The following CAMK1D variants were observed in gnomAD, a reference collection of about 807,000 sequenced individuals.
The protein encoded by CAMK1D is calcium/calmodulin-dependent protein kinase type 1D.
A neutral mutation model predicts 47.7 loss-of-function variants in CAMK1D; 9 were observed. The ratio of observed to expected loss-of-function variants is 0.19; its 90% CI spans 0.11 to 0.33. The LOEUF is 0.33. Among genes scored for constraint, CAMK1D ranks in the 10% least tolerant of loss-of-function variants. CAMK1D has a pLI of 1.00. For synonymous variants in CAMK1D, 184 were observed against 184.9 expected (o/e 0.99, Z 0.04); for missense variants, 291 against 488.7 (o/e 0.60, Z 3.81).
At chr10:12,365,790 C>T (rs937073631) in intron 1 of CAMK1D, among the ~76,000 whole-genome samples, 1 of 152,176 alleles carries the variant, frequency 6.6e-6, no homozygotes, top group Non-Finnish European at 1.5e-5. Context: ...GGGTGGCTCA[C>T]GCCTGTAATC....
At chr10:12,389,390 C>A (rs1166512401) in intron 1 of CAMK1D, among the ~76,000 whole-genome samples, 1 of 152,126 alleles carries the variant, frequency 6.6e-6, no homozygotes, top group Non-Finnish European at 1.5e-5. Context: ...CCTTGGGGTG[C>A]GTGGCCAGAG....
intron 1 of CAMK1D, among the ~76,000 whole-genome samples, chr10:12,372,673 TGGCTCACTGCAGCCTCGTGATCAC>T (rs1160422367): frequency 2.6e-5 from 4 of 152,184 alleles, no homozygotes; most frequent in Non-Finnish European, 4.4e-5. Context: ...GGCTGGATCA[TGGCTCACTGCAGCCTCGTGATCAC>T]GGCTCACTGC....
intron 1 of CAMK1D, among the ~76,000 whole-genome samples, chr10:12,494,140 G>C (rs891188442): frequency 6.6e-6 from 1 of 152,114 alleles, no homozygotes; most frequent in South Asian, 2.1e-4. Context: ...AGCAACATTG[G>C]GTGTCTCACG....
chr10:12,427,700 G>GTTTTTTTTGTTTT (rs1840285327), intron 1 of CAMK1D, among the ~76,000 whole-genome samples: 6 of 31,030 alleles, frequency 1.9e-4, no homozygotes, highest in African/African-American at 6.4e-4. Context: ...TGAACTTACT[G>GTTTTTTTTGTTTT]TTTTTTTTTT....
At chr10:12,367,571 G>C (rs1434550320) in intron 1 of CAMK1D, among the ~76,000 whole-genome samples, 1 of 151,968 alleles carries the variant, frequency 6.6e-6, no homozygotes, top group Non-Finnish European at 1.5e-5. Context: ...GCGAGGCCCT[G>C]TGCTTGTTTT....
Position 12,521,353 on chromosome 10 carries a change from T to C in CAMK1D, c.93-31872T>C, listed in dbSNP as rs188449640. Among the ~76,000 whole-genome samples, 238 of 152,354 alleles carry C rather than the reference T, an allele frequency of 1.6e-3. 2 individuals are homozygous for C. The highest frequency in any genetic ancestry group is 2.5e-4 in the Non-Finnish European group (17 of 68,032). On this transcript the variant is annotated intron_variant, in intron 1 of 10. Coordinates refer to ENST00000619168, the MANE Select transcript of CAMK1D (RefSeq NM_153498.4). Reference sequence around the variant, plus strand: ...AGATGTTTTCTAACTTGCCTGTCTTTGACTTTTGGACTATTTAGAAGTGAG... The same window carrying C: ...AGATGTTTTCTAACTTGCCTGTCTTCGACTTTTGGACTATTTAGAAGTGAG...
rs1286746295 is a variant in CAMK1D, at chr10:12,461,897, CTG to C, written c.93-91326_93-91325del. 2.0e-5 allele frequency among the ~76,000 whole-genome samples: 3 copies of C among 152,090 alleles called. No homozygotes were observed. In the East Asian group the frequency reaches 5.8e-4, roughly 29 times the overall value. On this transcript the variant is annotated intron_variant, in intron 1 of 10. Coordinates refer to ENST00000619168, the MANE Select transcript of CAMK1D (RefSeq NM_153498.4). ...TGTTGCTCATCACAGAAACCAAACACTGTTTTTCTTGGGAACTGTTCCCTGTT... is the reference window on the plus strand; with the variant it reads ...TGTTGCTCATCACAGAAACCAAACACTTTTTCTTGGGAACTGTTCCCTGTT...
At position 12,520,489 on chromosome 10, in the gene CAMK1D, C is replaced by T. The variant is rs1388683414; in HGVS notation, c.93-32736C>T. ...GGCTCCTCACCTCCCAGACGATGGG[C>T]GGCCAGGCAGAGACGCTCCTCACTT... On this transcript the variant is annotated intron_variant, in intron 1 of 10. Transcript: ENST00000619168. 8.2e-5 allele frequency among the ~76,000 whole-genome samples: 5 copies of T among 60,778 alleles called. 1 individual carries two copies. 39.9% of individuals were successfully genotyped at this position (60,778 alleles called of 152,430 possible).
intron 2 of CAMK1D, among the ~76,000 whole-genome samples, chr10:12,636,658 G>A (rs1199185094): frequency 6.6e-6 from 1 of 152,132 alleles, no homozygotes; most frequent in Non-Finnish European, 1.5e-5. Context: ...TGAGGAAACA[G>A]ACTGAGAGGG....
chr10:12,525,259 C>G (rs1467963040), intron 1 of CAMK1D, among the ~76,000 whole-genome samples: 1 of 152,138 alleles, frequency 6.6e-6, no homozygotes, highest in Non-Finnish European at 1.5e-5. Context: ...TAATCAGTAC[C>G]TAATGTCTTT....
At chr10:12,476,990 C>T (rs1833921829) in intron 1 of CAMK1D, among the ~76,000 whole-genome samples, 1 of 152,082 alleles carries the variant, frequency 6.6e-6, no homozygotes, top group Non-Finnish European at 1.5e-5. Flanking sequence ...GTTGGAATAT[C>T]CAGGCAGAGT....
intron 1 of CAMK1D, among the ~76,000 whole-genome samples, chr10:12,438,875 C>T (rs1337724537): frequency 6.6e-6 from 1 of 152,214 alleles, no homozygotes. Flanking sequence ...TGCCTTTGGA[C>T]GTTAAATACA....
intron 3 of CAMK1D, among the ~76,000 whole-genome samples, chr10:12,675,030 CAA>C (rs771350871): frequency 7.5e-5 from 4 of 53,234 alleles, no homozygotes; most frequent in Admixed American, 2.0e-4. Context: ...GACTCCATCT[CAA>C]AAAAAAAAAA....
At chr10:12,702,732 G>A (rs1303670801) in intron 3 of CAMK1D, among the ~76,000 whole-genome samples, 1 of 152,216 alleles carries the variant, frequency 6.6e-6, no homozygotes, top group Non-Finnish European at 1.5e-5. Context: ...AGCAGAGCTG[G>A]TATTTAAGTC....
intron 3 of CAMK1D, among the ~76,000 whole-genome samples, chr10:12,675,773 A>G (rs1018800606): frequency 3.3e-5 from 5 of 152,148 alleles, no homozygotes; most frequent in African/African-American, 1.2e-4. Flanking sequence ...CCAGGGACCT[A>G]TGTGTCCTGG....
At chr10:12,541,759 A>G (rs1255654441) in intron 1 of CAMK1D, among the ~76,000 whole-genome samples, 2 of 152,100 alleles carry the variant, frequency 1.3e-5, no homozygotes, top group African/African-American at 4.8e-5. Flanking sequence ...TCTGATCTGG[A>G]ACAATAGGTC....
At chr10:12,553,478 T>C (rs1363155483) in intron 2 of CAMK1D, 122 bp downstream of exon 2, 1 of 718,400 alleles carries the variant, frequency 1.4e-6, no homozygotes, top group African/African-American at 1.8e-5. Flanking sequence ...ACCCAGGCTG[T>C]GCAAACGATA....
intron 1 of CAMK1D, among the ~76,000 whole-genome samples, chr10:12,390,759 A>G (rs1453129183): frequency 6.6e-6 from 1 of 152,204 alleles, no homozygotes. Flanking sequence ...GGAGCCCAGA[A>G]GGGTTGAGGG....
intron 3 of CAMK1D, among the ~76,000 whole-genome samples, chr10:12,722,824 G>A (rs79540554): frequency 0.014 from 2,200 of 152,248 alleles, 23 homozygotes; most frequent in Non-Finnish European, 0.024. Flanking sequence ...GTGATCTATT[G>A]GGAACTACTT....
Sources: allele counts gnomAD v4.1 joint callset (sites outside exome capture counted in the v4.1 genomes callset), GRCh38; gene constraint gnomAD v4.1.1; transcripts MANE v1.5; gene names NCBI Gene and HGNC (gene_info 2026-07-23, HGNC 2026-07-21).